The following PRUNE2 variants were observed in gnomAD, a reference collection of about 807,000 sequenced individuals.
PRUNE2 encodes protein prune homolog 2.
A neutral mutation model predicts 252.0 loss-of-function variants in PRUNE2; 164 were observed. The ratio of observed to expected loss-of-function variants is 0.65; its 90% CI spans 0.57 to 0.74. The LOEUF (loss-of-function observed/expected upper bound fraction) is 0.74. Ranked by LOEUF, PRUNE2 falls within the 30% of genes least tolerant of loss-of-function variation. PRUNE2 has a pLI of 0.00. For synonymous variants in PRUNE2, 1,292 were observed against 1,350.2 expected (o/e 0.96, Z 0.94); for missense variants, 3,495 against 3,711.0 (o/e 0.94, Z 1.51).
intron 6 of PRUNE2, among the ~76,000 whole-genome samples, chr9:76,721,105 G>C (rs528314331): frequency 6.8e-4 from 104 of 152,274 alleles, no homozygotes; most frequent in Non-Finnish European, 1.2e-3. Flanking sequence ...CCGTCTAAAA[G>C]ATGTAAGGTA....
intron 6 of PRUNE2, among the ~76,000 whole-genome samples, chr9:76,802,710 T>C (rs1171426133): frequency 6.6e-6 from 1 of 152,064 alleles, no homozygotes; most frequent in Non-Finnish European, 1.5e-5. Context: ...TACAAATTAA[T>C]CTCAATTAAA....
chr9:76,788,651 C>T (rs1231220440), intron 6 of PRUNE2: 1 of 605,430 alleles, frequency 1.7e-6, no homozygotes, highest in Admixed American at 2.8e-5. Flanking sequence ...TGTTCATTAT[C>T]ATCACTATTC....
chr9:76,838,645 C>CAAAAAAAAA (rs10540002), intron 4 of PRUNE2, among the ~76,000 whole-genome samples: 51 of 84,656 alleles, frequency 6.0e-4, no homozygotes, highest in Non-Finnish European at 8.8e-4. Flanking sequence ...AACTCTGTCT[C>CAAAAAAAAA]AAAAAAAAAA....
chr9:76,726,400 C>A (rs186450281), intron 6 of PRUNE2, among the ~76,000 whole-genome samples: 23 of 152,146 alleles, frequency 1.5e-4, no homozygotes, highest in Non-Finnish European at 7.3e-5. Flanking sequence ...CACAGGCACA[C>A]GCACATACAT....
chr9:76,846,531 C>T lies in PRUNE2; in HGVS notation c.492G>A (p.Leu164=), dbSNP rs756717032. The change falls in exon 4 of 19, where the codon CTG becomes CTA. Residue 164 remains leucine (L), a synonymous_variant. Transcript: ENST00000376718. The part of the protein sequence containing the change: ...QEAPELITEQ[L]AHRLRGSILF... ...ATCTCTCACCTCTGAGGCGATGAGC[C>T]AGTTGCTCGGTGATGAGCTCAGGAG... The T allele has an allele frequency of 6.2e-7, 1 of 1,613,624 alleles. No individual in the cohort carries two copies. Among genetic ancestry groups the T allele is most frequent in the African/African-American group, 1.3e-5 (1 of 75,026 alleles).
intron 1 of PRUNE2, among the ~76,000 whole-genome samples, chr9:76,894,253 T>C (rs546630190): frequency 6.6e-6 from 1 of 152,340 alleles, no homozygotes; most frequent in East Asian, 1.9e-4. Flanking sequence ...GAAGTCTCTT[T>C]ATACTGTAGC....
At chr9:76,688,351 G>A (rs1183114896) in intron 9 of PRUNE2, among the ~76,000 whole-genome samples, 2 of 152,206 alleles carry the variant, frequency 1.3e-5, no homozygotes, top group Non-Finnish European at 2.9e-5. Context: ...CTTGCAGTAA[G>A]TGTTGCTGCC....
chr9:76,883,773 C>T (rs2061929405), intron 1 of PRUNE2, among the ~76,000 whole-genome samples: 1 of 152,170 alleles, frequency 6.6e-6, no homozygotes, highest in African/African-American at 2.4e-5. Context: ...AAAGTGGCCC[C>T]ACCCTTTATC....
intron 6 of PRUNE2, chr9:76,759,932 G>A (rs2051534217): frequency 6.6e-6 from 1 of 152,290 alleles, no homozygotes; most frequent in Admixed American, 6.5e-5. Context: ...CCCATAAGGG[G>A]TTTGAGCACA....
intron 6 of PRUNE2, chr9:76,779,817 T>C (rs1325113414): frequency 6.6e-6 from 1 of 152,262 alleles, no homozygotes; most frequent in Non-Finnish European, 1.5e-5. Flanking sequence ...TTAACCCGTA[T>C]GCTTTGTCCC....
At chr9:76,650,475 C>T (rs1248558567) in intron 11 of PRUNE2, among the ~76,000 whole-genome samples, 1 of 152,098 alleles carries the variant, frequency 6.6e-6, no homozygotes, top group Non-Finnish European at 1.5e-5. Context: ...AAGAAACAGG[C>T]TGCTTTCAAG....
intron 6 of PRUNE2, among the ~76,000 whole-genome samples, chr9:76,806,523 T>C (rs2131641916): frequency 6.6e-6 from 1 of 151,254 alleles, no homozygotes; most frequent in African/African-American, 2.4e-5. Context: ...TTTTTTTTTT[T>C]TTGAGACGGA....
At chr9:76,786,396 C>T (rs2054982589) in intron 6 of PRUNE2, 1 of 152,480 alleles carries the variant, frequency 6.6e-6, no homozygotes, top group South Asian at 2.1e-4. Context: ...TCATCGTCCC[C>T]ATCTCTGTGA....
intron 9 of PRUNE2, among the ~76,000 whole-genome samples, chr9:76,690,641 G>T (rs569237414): frequency 3.3e-5 from 5 of 152,216 alleles, no homozygotes; most frequent in Admixed American, 3.3e-4. Flanking sequence ...TAACCATTGG[G>T]GAAAAAAAGT....
At chr9:76,748,904 G>A (rs1436986200) in intron 6 of PRUNE2, among the ~76,000 whole-genome samples, 3 of 152,142 alleles carry the variant, frequency 2.0e-5, no homozygotes, top group Admixed American at 2.0e-4. Context: ...GTGGAGGGAG[G>A]TGAACCTAGA....
chr9:76,700,595 C>G (rs2045794480), intron 9 of PRUNE2, among the ~76,000 whole-genome samples: 1 of 152,118 alleles, frequency 6.6e-6, no homozygotes, highest in Non-Finnish European at 1.5e-5. Context: ...CCCCTTCTGT[C>G]ATTAAAACAT....
At chr9:76,650,980 A>T (rs113085761) in intron 11 of PRUNE2, among the ~76,000 whole-genome samples, 3,018 of 152,244 alleles carry the variant, frequency 0.02, 88 homozygotes, top group African/African-American at 0.067. Context: ...AAGGAGCAGG[A>T]GCTGGTAGGG....
intron 6 of PRUNE2, among the ~76,000 whole-genome samples, chr9:76,807,036 G>A (rs1294694776): frequency 1.4e-5 from 2 of 146,720 alleles, no homozygotes; most frequent in African/African-American, 5.0e-5. Flanking sequence ...GTGTGTGTGT[G>A]TGTGTGTGTG....
chr9:76,850,390 G>T, intron 3 of PRUNE2, 73 bp downstream of exon 3: 1 of 1,209,742 alleles, frequency 8.3e-7, no homozygotes, highest in Non-Finnish European at 1.2e-6. Context: ...CAAAAGTCCT[G>T]AGTAAAGTGA....
Sources: allele counts gnomAD v4.1 joint callset (sites outside exome capture counted in the v4.1 genomes callset), GRCh38; gene constraint gnomAD v4.1.1; transcripts MANE v1.5; gene names NCBI Gene and HGNC (gene_info 2026-07-23, HGNC 2026-07-21).